Variants in FGF12 observed in about 807,000 individuals in gnomAD.
FGF12 encodes the protein fibroblast growth factor 12.
A neutral mutation model predicts 23.6 loss-of-function variants in FGF12; 14 were observed. The ratio of observed to expected loss-of-function variants is 0.59; its 90% CI spans 0.39 to 0.93. The LOEUF (loss-of-function observed/expected upper bound fraction) is 0.93, where lower values mean the gene tolerates loss of function less well. Ranked by LOEUF, FGF12 falls within the 40% of genes least tolerant of loss-of-function variation. The probability of loss-of-function intolerance (pLI) is 0.00; values close to 1 mark genes in which losing one functional copy is unlikely to be tolerated. For synonymous variants in FGF12, 62 were observed against 77.3 expected (o/e 0.80, Z 1.04); for missense variants, 175 against 217.8 (o/e 0.80, Z 1.24).
chr3:192,207,579 TA>T (rs957323031), intron 4 of FGF12, among the ~76,000 whole-genome samples: 1 of 152,142 alleles, frequency 6.6e-6, no homozygotes, highest in Non-Finnish European at 1.5e-5. Context: ...GGCTAGAGCA[TA>T]TGGCATGTAG....
chr3:192,237,111 T>C (rs563852027), intron 4 of FGF12, among the ~76,000 whole-genome samples: 2 of 152,206 alleles, frequency 1.3e-5, no homozygotes, highest in Middle Eastern at 3.2e-3. Context: ...TGTCTGAATA[T>C]GAAATTATTG....
intron 5 of FGF12, among the ~76,000 whole-genome samples, chr3:192,149,451 C>G (rs1373048060): frequency 7.9e-6 from 1 of 126,280 alleles, no homozygotes; most frequent in Non-Finnish European, 1.7e-5. Context: ...TCTCCCAATG[C>G]TATCCCTCCC....
chr3:192,431,307 T>A (rs562667519), intron 2 of FGF12, among the ~76,000 whole-genome samples: 157 of 152,140 alleles, frequency 1.0e-3, no homozygotes, highest in Non-Finnish European at 2.1e-3. Context: ...AAAGTTTGTA[T>A]CAGGTTGATT....
At chr3:192,395,260 A>C (rs1013317512) in intron 2 of FGF12, among the ~76,000 whole-genome samples, 1 of 152,182 alleles carries the variant, frequency 6.6e-6, no homozygotes, top group African/African-American at 2.4e-5. Context: ...AAAGAGGTAA[A>C]GTTTGAAGGT....
rs79037755 is a variant in FGF12, at chr3:192,706,124, T to G, written c.13+21057A>C. Among the ~76,000 whole-genome samples, 658 of 152,322 alleles carry G rather than the reference T, an allele frequency of 4.3e-3. 2 individuals carry two copies. Among genetic ancestry groups the G allele is most frequent in the African/African-American group, 0.014 (591 of 41,558 alleles). On this transcript the variant is annotated intron_variant, in intron 2 of 5. Coordinates refer to ENST00000445105, the MANE Select transcript of FGF12 (RefSeq NM_004113.6). ...TGTAGTGAATAGGAGACTTCATTAG[T>G]TCCTTTTCAGTGGTTAAAAGATGAA...
chr3:192,650,699 T>C (rs1716183893), intron 2 of FGF12, among the ~76,000 whole-genome samples: 1 of 152,182 alleles, frequency 6.6e-6, no homozygotes. Context: ...CCATAAAAGT[T>C]TCTGAATAAA....
intron 3 of FGF12, among the ~76,000 whole-genome samples, chr3:192,345,292 A>C (rs918383354): frequency 1.3e-5 from 2 of 152,232 alleles, no homozygotes; most frequent in Non-Finnish European, 2.9e-5. Context: ...ACTGATACTC[A>C]AAGATACTGT....
At chr3:192,301,175 T>G (rs1560059623) in intron 4 of FGF12, among the ~76,000 whole-genome samples, 1 of 151,450 alleles carries the variant, frequency 6.6e-6, no homozygotes, top group South Asian at 2.1e-4. Context: ...AAAAGGGCAA[T>G]AGAAAGGAGT....
chr3:192,421,354 G>A (rs1721520541), intron 2 of FGF12, among the ~76,000 whole-genome samples: 1 of 151,576 alleles, frequency 6.6e-6, no homozygotes, highest in Non-Finnish European at 1.5e-5. Context: ...CTCAGTTTTA[G>A]AGAGTCTAAA....
intron 2 of FGF12, among the ~76,000 whole-genome samples, chr3:192,539,081 C>A (rs1211956554): frequency 6.6e-6 from 1 of 152,146 alleles, no homozygotes; most frequent in East Asian, 1.9e-4. Context: ...ATATCATCTG[C>A]AAACGAGGAT....
At chr3:192,698,856 TAC>T (rs1293429908) in intron 2 of FGF12, among the ~76,000 whole-genome samples, 1 of 152,136 alleles carries the variant, frequency 6.6e-6, no homozygotes, top group Non-Finnish European at 1.5e-5. Context: ...AACCACAAAA[TAC>T]CAGTGAGAAG....
chr3:192,269,690 C>CT (rs1408427625), intron 4 of FGF12, among the ~76,000 whole-genome samples: 6 of 152,196 alleles, frequency 3.9e-5, no homozygotes, highest in Admixed American at 3.9e-4. Flanking sequence ...GTTGCAGAGT[C>CT]TACCCAATAA....
intron 5 of FGF12, among the ~76,000 whole-genome samples, chr3:192,145,269 T>G (rs954289128): frequency 5.9e-5 from 9 of 152,256 alleles, no homozygotes; most frequent in Middle Eastern, 3.2e-3. Context: ...CTGATTTCTT[T>G]GTGAGCATTT....
At chr3:192,220,214 T>A (rs1478404164) in intron 4 of FGF12, among the ~76,000 whole-genome samples, 1 of 152,194 alleles carries the variant, frequency 6.6e-6, no homozygotes, top group African/African-American at 2.4e-5. Flanking sequence ...CAGTTTAGAA[T>A]TCTTCAGTGA....
intron 2 of FGF12, among the ~76,000 whole-genome samples, chr3:192,716,538 G>C (rs752893753): frequency 6.6e-6 from 1 of 152,082 alleles, no homozygotes; most frequent in Non-Finnish European, 1.5e-5. Flanking sequence ...GGCATTCTCT[G>C]GTTCCAAACA....
At chr3:192,354,399 G>A (rs1718370866) in intron 3 of FGF12, among the ~76,000 whole-genome samples, 1 of 150,776 alleles carries the variant, frequency 6.6e-6, no homozygotes, top group African/African-American at 2.4e-5. Flanking sequence ...TTTTAAATTG[G>A]AAAGAAAAGC....
intron 4 of FGF12, among the ~76,000 whole-genome samples, chr3:192,252,496 A>AAAGAG (rs1199416957): frequency 2.7e-5 from 4 of 147,908 alleles, no homozygotes; most frequent in East Asian, 4.0e-4. Flanking sequence ...AAAAAAAAGA[A>AAAGAG]AAGAGAAGAG....
chr3:192,163,828 AGTGT>A (rs35349561), intron 5 of FGF12, among the ~76,000 whole-genome samples: 2,575 of 149,428 alleles, frequency 0.017, 32 homozygotes, highest in East Asian at 0.073. Context: ...AGTGTGTGTG[AGTGT>A]GTGTGTGTGT....
intron 5 of FGF12, among the ~76,000 whole-genome samples, chr3:192,150,633 C>T (rs1242202198): frequency 6.7e-5 from 10 of 149,306 alleles, no homozygotes; most frequent in Non-Finnish European, 1.2e-4. Context: ...TGTAGGTATG[C>T]GGCATTATTT....
Sources: gnomAD v4.1 joint callset for allele counts (sites outside exome capture counted in the v4.1 genomes callset) on GRCh38, gnomAD v4.1.1 for gene constraint, MANE v1.5 for transcripts, NCBI Gene and HGNC (gene_info 2026-07-23, HGNC 2026-07-21) for gene names.